ARHGAP26: variants seen among roughly 807,000 people sequenced by gnomAD.
The protein encoded by ARHGAP26 is rho GTPase-activating protein 26.
In ARHGAP26, 38 loss-of-function variants were observed where a neutral mutation model predicts 104.8. The observed-to-expected ratio is 0.36, with a 90% CI of 0.28 to 0.48. The LOEUF (loss-of-function observed/expected upper bound fraction) is 0.48, where lower values mean the gene tolerates loss of function less well. ARHGAP26 is among the 20% of genes least tolerant of loss of function. The pLI is 0.99. For missense variants in ARHGAP26, 704 were observed against 947.9 expected (o/e 0.74, Z 3.38); for synonymous variants, 341 against 340.0 (o/e 1.00, Z -0.03).
chr5:142,946,740 TG>T (rs1251539764), intron 11 of ARHGAP26: 1 of 152,202 alleles, frequency 6.6e-6, no homozygotes, highest in East Asian at 1.9e-4. Context: ...AATGTATCTT[TG>T]GATTTGCTGA....
At chr5:142,896,966 G>A (rs1194094773) in intron 6 of ARHGAP26, among the ~76,000 whole-genome samples, 3 of 152,176 alleles carry the variant, frequency 2.0e-5, no homozygotes, top group Non-Finnish European at 2.9e-5. Context: ...ATGAGCAAAC[G>A]AGTGAAGTAC....
intron 20 of ARHGAP26, among the ~76,000 whole-genome samples, chr5:143,149,454 C>G (rs754101417): frequency 6.6e-6 from 1 of 152,126 alleles, no homozygotes; most frequent in African/African-American, 2.4e-5. Flanking sequence ...CAGGCAGGCT[C>G]GCAGCCACTT....
intron 12 of ARHGAP26, among the ~76,000 whole-genome samples, chr5:143,023,221 G>A (rs780558558): frequency 7.2e-5 from 11 of 152,206 alleles, no homozygotes; most frequent in South Asian, 2.1e-4. Flanking sequence ...CCCTGATGGC[G>A]TTTTATTCAG....
chr5:142,919,530 T>G (rs1278652292), intron 10 of ARHGAP26: 2 of 397,536 alleles, frequency 5.0e-6, no homozygotes, highest in African/African-American at 4.1e-5. Context: ...GAAGCAGCAC[T>G]CATGCACCCA....
chr5:143,022,623 A>C (rs184813578), intron 12 of ARHGAP26, among the ~76,000 whole-genome samples: 17 of 152,270 alleles, frequency 1.1e-4, no homozygotes, highest in Admixed American at 1.1e-3. Context: ...CACAAGGCTA[A>C]GTTTTTAAAA....
intron 1 of ARHGAP26, among the ~76,000 whole-genome samples, chr5:142,869,382 T>A (rs537590578): frequency 4.9e-4 from 70 of 142,182 alleles, no homozygotes; most frequent in Non-Finnish European, 9.4e-4. Context: ...TATTTTATTT[T>A]ATTTTTTTTT....
chr5:143,098,132 A>G (rs1398817097), intron 17 of ARHGAP26, among the ~76,000 whole-genome samples: 1 of 152,178 alleles, frequency 6.6e-6, no homozygotes, highest in East Asian at 1.9e-4. Flanking sequence ...TGGAGTTTCA[A>G]GCTTAGAATT....
intron 10 of ARHGAP26, among the ~76,000 whole-genome samples, chr5:142,923,857 C>CTTTTTTTT (rs11389284): frequency 1.3e-4 from 14 of 105,876 alleles, no homozygotes; most frequent in South Asian, 3.8e-4. Flanking sequence ...GGATCAGATC[C>CTTTTTTTT]TTTTTTTTTT....
chr5:142,997,149 CATGTATAT>C (rs1436062236), intron 11 of ARHGAP26, among the ~76,000 whole-genome samples: 1 of 151,982 alleles, frequency 6.6e-6, no homozygotes, highest in Non-Finnish European at 1.5e-5. Flanking sequence ...ATTGTATGTG[CATGTATAT>C]ATATATACAC....
intron 22 of ARHGAP26, among the ~76,000 whole-genome samples, chr5:143,217,968 C>A (rs1296666147): frequency 6.6e-6 from 1 of 152,210 alleles, no homozygotes; most frequent in Non-Finnish European, 1.5e-5. Context: ...ACCCCTCTGA[C>A]CTCCTCTCAC....
intron 1 of ARHGAP26, among the ~76,000 whole-genome samples, chr5:142,812,523 A>T (rs928782896): frequency 1.3e-5 from 2 of 151,484 alleles, no homozygotes; most frequent in Non-Finnish European, 2.9e-5. Context: ...TTTTTAGTAG[A>T]GGTGGGGTTT....
intron 11 of ARHGAP26, among the ~76,000 whole-genome samples, chr5:142,968,918 T>C (rs1771818784): frequency 6.6e-6 from 1 of 152,220 alleles, no homozygotes; most frequent in Admixed American, 6.5e-5. Context: ...TAAGTAGTCA[T>C]TTTTTATTTT....
In ARHGAP26 at chr5:143,150,275, G is replaced by C. The variant is rs191726233; in HGVS notation, c.1988+2894G>C. 3.7e-4 allele frequency among the ~76,000 whole-genome samples: 56 copies of C among 152,330 alleles called. No individual in the cohort carries two copies. In the South Asian group the frequency reaches 3.9e-3, roughly 11 times the overall value. Reference sequence around the variant, plus strand: ...TTATGCCCAGACCCATGCATGCCAAGCTACCTGGGGTAAACCGGAATAAGA... The same window carrying C: ...TTATGCCCAGACCCATGCATGCCAACCTACCTGGGGTAAACCGGAATAAGA... On this transcript the variant is annotated intron_variant, in intron 20 of 22. Transcript: ENST00000645722.
chr5:142,846,820 G>A (rs190842950), intron 1 of ARHGAP26, among the ~76,000 whole-genome samples: 1 of 152,160 alleles, frequency 6.6e-6, no homozygotes, highest in Non-Finnish European at 1.5e-5. Context: ...AATTCAATAT[G>A]TATTGATTAG....
At chr5:142,914,178 C>CT (rs1404068965) in intron 10 of ARHGAP26, among the ~76,000 whole-genome samples, 1 of 152,262 alleles carries the variant, frequency 6.6e-6, no homozygotes, top group African/African-American at 2.4e-5. Flanking sequence ...CATCCTGAGA[C>CT]TGAGTACTGC....
intron 6 of ARHGAP26, among the ~76,000 whole-genome samples, chr5:142,898,927 A>G (rs1380723902): frequency 1.3e-5 from 2 of 152,234 alleles, no homozygotes; most frequent in Non-Finnish European, 2.9e-5. Context: ...GTTGTCTCAC[A>G]GTTCTAAAGC....
chr5:143,137,192 T>A (rs1199619977), intron 19 of ARHGAP26, among the ~76,000 whole-genome samples: 1 of 152,268 alleles, frequency 6.6e-6, no homozygotes, highest in Non-Finnish European at 1.5e-5. Context: ...TGGAAAGTGG[T>A]CATCCATATC....
chr5:142,870,572 T>A (rs1225563146), intron 1 of ARHGAP26, among the ~76,000 whole-genome samples: 1 of 152,220 alleles, frequency 6.6e-6, no homozygotes, highest in African/African-American at 2.4e-5. Context: ...TATTCATGCT[T>A]ACCTTTCCTG....
At chr5:142,894,156 A>ATTTTTTTTTTT in intron 5 of ARHGAP26, 82 bp from the exon 6 acceptor site, 3 of 1,034,082 alleles carry the variant, frequency 2.9e-6, no homozygotes, top group Non-Finnish European at 4.3e-6. Context: ...ATCTCCCGAG[A>ATTTTTTTTTTT]TTTTTTTTTT....
Sources: gnomAD v4.1 joint callset for allele counts (sites outside exome capture counted in the v4.1 genomes callset) on GRCh38, gnomAD v4.1.1 for gene constraint, MANE v1.5 for transcripts, NCBI Gene and HGNC (gene_info 2026-07-23, HGNC 2026-07-21) for gene names.